The following GRIP2 variants were observed in gnomAD, a reference collection of about 807,000 sequenced individuals.
GRIP2 encodes the protein glutamate receptor-interacting protein 2.
Under a neutral mutation model 108.3 loss-of-function variants are expected in GRIP2, and 58 were observed. That is an observed-to-expected ratio of 0.54 (90% CI 0.43 to 0.67). The LOEUF (loss-of-function observed/expected upper bound fraction) is 0.67, where lower values mean the gene tolerates loss of function less well. Among genes scored for constraint, GRIP2 ranks in the 30% least tolerant of loss-of-function variants. GRIP2 has a pLI of 0.00. For missense variants in GRIP2, 1,278 were observed against 1,430.6 expected (o/e 0.89, Z 1.72); for synonymous variants, 586 against 598.2 (o/e 0.98, Z 0.30).
At chr3:14,585,159 A>G in the GRIP2 span, among the ~76,000 whole-genome samples, 1 of 152,092 alleles carries the variant, frequency 6.6e-6, no homozygotes, top group Non-Finnish European at 1.5e-5. Context: ...AGTAGCCGGG[A>G]CTACACTCAC....
At chr3:14,558,695 T>C (rs1695271631), upstream of GRIP2, among the ~76,000 whole-genome samples, 1 of 152,036 alleles carries the variant, frequency 6.6e-6, no homozygotes, top group Admixed American at 6.5e-5. Flanking sequence ...CAGACCTGCA[T>C]AGGGAGGTGG....
intron 21 of GRIP2, among the ~76,000 whole-genome samples, chr3:14,500,444 A>G (rs1693735158): frequency 1.3e-5 from 2 of 152,238 alleles, no homozygotes; most frequent in African/African-American, 4.8e-5. Context: ...ACATCAGAGC[A>G]AGAGAGCCAG....
the GRIP2 span, chr3:14,574,271 G>A: frequency 4.4e-6 from 4 of 909,856 alleles, no homozygotes; most frequent in Admixed American, 3.5e-5. Flanking sequence ...TGTGGTAGGT[G>A]TGGTTGTTGA....
Position 14,512,940 on chromosome 3 carries a change from T to A in GRIP2, c.1640-83A>T. 1 of 1,238,392 alleles carries A rather than the reference T, an allele frequency of 8.1e-7. No homozygotes were observed. Among genetic ancestry groups the A allele is most frequent in the Middle Eastern group, 1.9e-4 (1 of 5,304 alleles). The allele number at this position is 1,238,392 out of a possible 1,614,324, so 76.7% of individuals were successfully genotyped here. A position where few individuals can be genotyped will look rare whatever the true frequency, so the allele number is the denominator to read the frequency against. Reference sequence around the variant, plus strand: ...CCCAGCCCCATGCCCATTCTGGCTGTGCTGGGAGTGACCCCGAAAGTCACA... The same window carrying A: ...CCCAGCCCCATGCCCATTCTGGCTGAGCTGGGAGTGACCCCGAAAGTCACA... On this transcript the variant is annotated intron_variant, in intron 13 of 23. Transcript: ENST00000621039. This position sits in a 1 kb window ranked among gnomAD's most constrained non-coding sequence, Gnocchi z 5.1.
rs564362243 is a variant in GRIP2, at chr3:14,509,135, C to A, written c.2078+685G>T. Among the ~76,000 whole-genome samples the A allele has an allele frequency of 1.4e-4, 21 of 152,284 alleles. No individual in the cohort carries two copies. In the South Asian group the frequency reaches 1.4e-3, roughly 11 times the overall value. ...CGGAATCCCTCCCATCCTCTCCCCA[C>A]CCGCCCAGCCACCGCCCCTCCTGCG... On this transcript the variant is annotated intron_variant, in intron 17 of 23. Transcript: ENST00000621039.
chr3:14,516,980 C>T, intron 11 of GRIP2, 84 bp downstream of exon 11: 3 of 1,320,276 alleles, frequency 2.3e-6, no homozygotes, highest in Non-Finnish European at 2.0e-6. Context: ...AAATACCTCC[C>T]CTCGCCCTGA....
At chr3:14,583,434 C>G in the GRIP2 span, among the ~76,000 whole-genome samples, 3 of 152,174 alleles carry the variant, frequency 2.0e-5, no homozygotes, top group African/African-American at 7.2e-5. Flanking sequence ...TTGATGGGGG[C>G]CCACCACCTC....
At chr3:14,584,530 C>T in the GRIP2 span, among the ~76,000 whole-genome samples, 1 of 152,116 alleles carries the variant, frequency 6.6e-6, no homozygotes, top group African/African-American at 2.4e-5. Flanking sequence ...AAGGTGTGCT[C>T]GCTACAAGGA....
chr3:14,523,637 G>T lies in GRIP2; in HGVS notation c.465C>A (p.Gly155=), dbSNP rs947213143. 1.2e-6 allele frequency: 2 copies of T among 1,611,856 alleles called. No homozygotes were observed. Among genetic ancestry groups the T allele is most frequent in the Non-Finnish European group, 1.7e-6 (2 of 1,178,896 alleles). The stretch of plus-strand genomic sequence containing the variant: ...CTCTAAGGACAAAGCCAAAGCTATT[G>T]CCCTCCTTGTAGAGGGAGACGTCCA... ...KTVDVSLYKE[G]NSFGFVLRGG... The change falls in exon 5 of 24, where the codon GGC becomes GGA. Residue 155 remains glycine, a synonymous_variant. Transcript: ENST00000621039.
chr3:14,506,902 C>A lies in GRIP2; in HGVS notation c.2297G>T (p.Gly766Val). The stretch of plus-strand genomic sequence containing the variant: ...CGAGAAGCGGGCTGCTGGCAGGCCT[C>A]CTTTCAGGGCATCTGCTGGGTCCTC... ...ADEDPADALK[G>V]GLPAARFSPA... is the part of the protein sequence containing the mutation. The change falls in exon 19 of 24, where the codon GGA becomes GTA. Residue 766 changes from glycine (G) to valine (V), a missense_variant. Transcript: ENST00000621039. The A allele has an allele frequency of 6.2e-7, 1 of 1,606,394 alleles. No homozygotes were observed. The highest frequency in any genetic ancestry group is 1.1e-5 in the South Asian group (1 of 89,374).
rs188992337 is a variant in GRIP2, at chr3:14,540,283, G to T, written c.26C>A (p.Thr9Asn). The change falls in exon 1 of 24, where the codon ACC becomes AAC. Residue 9 changes from threonine to asparagine, a missense_variant. By Grantham distance (65) the Thr-to-Asn change is moderately conservative. Coordinates refer to ENST00000621039, the MANE Select transcript of GRIP2 (RefSeq NM_001080423.4). This position sits in a 1 kb window ranked among gnomAD's most constrained non-coding sequence, Gnocchi z 4.1. ...CCATTACGTACCCGCCTCTCCAGGG[G>T]TCTCCCGGCTGAGCCCACACAGCAT... MLCGLSRE[T>N]PGEADDGPYS... 1.9e-6 allele frequency: 3 copies of T among 1,613,570 alleles called. No individual in the cohort carries two copies. The highest frequency in any genetic ancestry group is 2.7e-5 in the African/African-American group (2 of 74,950).
chr3:14,493,342 C>G lies in GRIP2; in HGVS notation c.*323G>C. On this transcript the variant is annotated 3_prime_UTR_variant, in exon 24 of 24. Coordinates refer to ENST00000621039, the MANE Select transcript of GRIP2 (RefSeq NM_001080423.4). ...CTTCGACCTCTCCAAGGAGGCCCCACAGAGACCTGGGACAGCCCCCAGGCC... is the reference window on the plus strand; with the variant it reads ...CTTCGACCTCTCCAAGGAGGCCCCAGAGAGACCTGGGACAGCCCCCAGGCC... 6.5e-6 allele frequency: 2 copies of G among 307,528 alleles called. No homozygotes were observed. The highest frequency in any genetic ancestry group is 1.2e-5 in the Non-Finnish European group (2 of 166,810). 19.0% of individuals were successfully genotyped at this position (307,528 alleles called of 1,614,324 possible).
chr3:14,514,581 AG>A (rs1694197137), intron 11 of GRIP2, 103 bp from the exon 12 acceptor site: 2 of 1,188,194 alleles, frequency 1.7e-6, no homozygotes, highest in African/African-American at 3.1e-5. Flanking sequence ...CCAGAGTGCA[AG>A]GAAGTGGGAG....
rs926903492 is a variant in GRIP2 at position 14,506,337 on chromosome 3, G to T, written c.2398+464C>A. Among the ~76,000 whole-genome samples, 8 of 152,348 alleles carry T rather than the reference G, an allele frequency of 5.3e-5. 1 individual carries two copies. Among genetic ancestry groups the T allele is most frequent in the Middle Eastern group, 6.8e-3 (2 of 294 alleles). ...AGACGTCTCCCTGCGGCCACCTCCG[G>T]GTCTCAACATGCATTGGCCTGGGAG... On this transcript the variant is annotated intron_variant, in intron 19 of 23. Coordinates refer to ENST00000621039, the MANE Select transcript of GRIP2 (RefSeq NM_001080423.4).
the GRIP2 span, among the ~76,000 whole-genome samples, chr3:14,592,909 G>A: frequency 6.6e-6 from 1 of 152,058 alleles, no homozygotes; most frequent in Non-Finnish European, 1.5e-5. Context: ...CAAGGACTTG[G>A]AGCCACAATG....
chr3:14,564,961 G>A, the GRIP2 span, among the ~76,000 whole-genome samples: 2 of 152,238 alleles, frequency 1.3e-5, no homozygotes, highest in Non-Finnish European at 2.9e-5. Context: ...CGAGCATGTG[G>A]GTGGTGTGAT....
the GRIP2 span, among the ~76,000 whole-genome samples, chr3:14,582,313 C>A: frequency 6.6e-6 from 1 of 152,196 alleles, no homozygotes; most frequent in Non-Finnish European, 1.5e-5. Flanking sequence ...GCTCAAGTCA[C>A]TAGCCCAGTT....
At chr3:14,560,355 C>A (rs1362331501), upstream of GRIP2, among the ~76,000 whole-genome samples, 1 of 152,204 alleles carries the variant, frequency 6.6e-6, no homozygotes, top group African/African-American at 2.4e-5. Flanking sequence ...CTTCTCTAGA[C>A]TTCTATCCCC....
chr3:14,572,855 G>T, the GRIP2 span: 1 of 1,145,504 alleles, frequency 8.7e-7, no homozygotes, highest in African/African-American at 1.5e-5. Flanking sequence ...CAGCTCGGTG[G>T]AGCTGAGCAT....
Sources: gnomAD v4.1 joint callset for allele counts (sites outside exome capture counted in the v4.1 genomes callset) on GRCh38, gnomAD v4.1.1 for gene constraint, Gnocchi (gnomAD v3.1) non-coding constraint, MANE v1.5 for transcripts, NCBI Gene and HGNC (gene_info 2026-07-23, HGNC 2026-07-21) for gene names.